ARMH4: variants seen among roughly 807,000 people sequenced by gnomAD.
The protein encoded by ARMH4 is armadillo-like helical domain-containing protein 4.
In ARMH4, 49 loss-of-function variants were observed where a neutral mutation model predicts 61.9. That is an observed-to-expected ratio of 0.79 (90% CI 0.63 to 1.00). ARMH4 has a LOEUF of 1.00. Among genes scored for constraint, ARMH4 ranks in the 50% least tolerant of loss-of-function variants. The pLI is 0.00. For missense variants in ARMH4, 934 were observed against 930.0 expected (o/e 1.00, Z -0.06); for synonymous variants, 368 against 341.5 (o/e 1.08, Z -0.85).
At chr14:58,102,511 A>T (rs1886018857) in intron 4 of ARMH4, among the ~76,000 whole-genome samples, 1 of 152,172 alleles carries the variant, frequency 6.6e-6, no homozygotes, top group Non-Finnish European at 1.5e-5. Flanking sequence ...AACGACAAAA[A>T]TCCTTATAAG....
chr14:58,083,736 A>C (rs751162226), intron 5 of ARMH4, among the ~76,000 whole-genome samples: 10 of 152,238 alleles, frequency 6.6e-5, no homozygotes, highest in Non-Finnish European at 1.2e-4. Context: ...ATAATTCTCT[A>C]AACAAGCAAA....
intron 4 of ARMH4, among the ~76,000 whole-genome samples, chr14:58,131,024 G>T (rs1887074407): frequency 6.6e-6 from 1 of 152,140 alleles, no homozygotes; most frequent in African/African-American, 2.4e-5. Context: ...GCTCTCCAAG[G>T]TATTTCTAAT....
chr14:58,046,484 A>C (rs1018281787), intron 5 of ARMH4, among the ~76,000 whole-genome samples: 9 of 152,180 alleles, frequency 5.9e-5, no homozygotes, highest in African/African-American at 1.7e-4. Flanking sequence ...CCATTATGTC[A>C]ATTTCGAAGA....
chr14:58,083,135 G>A (rs1486834650), intron 5 of ARMH4, among the ~76,000 whole-genome samples: 1 of 152,202 alleles, frequency 6.6e-6, no homozygotes, highest in East Asian at 1.9e-4. Context: ...TTAATCCACT[G>A]AGACTTTAGA....
Position 58,094,926 on chromosome 14 carries a change from C to T in ARMH4, c.2089+1798G>A, listed in dbSNP as rs1372584951. Among the ~76,000 whole-genome samples the T allele has an allele frequency of 2.6e-5, 4 of 152,196 alleles. No individual in the cohort carries two copies. The East Asian group carries it at 7.7e-4, about 29-fold the overall frequency. On this transcript the variant is annotated intron_variant, in intron 5 of 7. Coordinates refer to ENST00000267485, the MANE Select transcript of ARMH4 (RefSeq NM_001001872.4). ...TCAAATCATAAGCTTTCAGTGGGTG[C>T]AATTGTGTATAATACATACCTCAGT...
intron 1 of ARMH4, among the ~76,000 whole-genome samples, chr14:58,140,173 A>G (rs376056395): frequency 1.3e-5 from 2 of 150,992 alleles, no homozygotes. Context: ...TACTCAGGAG[A>G]CTGAGGCGAG....
chr14:58,106,452 A>C (rs1233277161), intron 4 of ARMH4, among the ~76,000 whole-genome samples: 1 of 152,240 alleles, frequency 6.6e-6, no homozygotes, highest in Admixed American at 6.5e-5. Flanking sequence ...GAATAAAACT[A>C]AGAAACATTA....
At chr14:58,137,840 G>T in intron 2 of ARMH4, 150 bp downstream of exon 2, 1 of 762,708 alleles carries the variant, frequency 1.3e-6, no homozygotes, top group South Asian at 1.9e-5. Flanking sequence ...TCACACCTCG[G>T]CCTCCGAAAA....
At chr14:58,122,129 A>G (rs1363150043) in intron 4 of ARMH4, among the ~76,000 whole-genome samples, 2 of 152,214 alleles carry the variant, frequency 1.3e-5, no homozygotes, top group African/African-American at 4.8e-5. Context: ...CAGAGTGAAC[A>G]TTCATAATCT....
chr14:58,139,548 C>G (rs774647834), intron 1 of ARMH4, 134 bp from the exon 2 acceptor site: 1 of 615,548 alleles, frequency 1.6e-6, no homozygotes, highest in East Asian at 2.8e-5. Context: ...GAGGACTGTT[C>G]TATTTCTTTG....
At chr14:58,059,885 G>T (rs745701726) in intron 5 of ARMH4, among the ~76,000 whole-genome samples, 4 of 152,140 alleles carry the variant, frequency 2.6e-5, no homozygotes, top group Admixed American at 6.5e-5. Flanking sequence ...TGAGCAGACC[G>T]ATAGACTCTC....
At chr14:58,039,496 A>G (rs7160901) in intron 5 of ARMH4, among the ~76,000 whole-genome samples, 9,501 of 152,262 alleles carry the variant, frequency 0.062, 378 homozygotes, top group African/African-American at 0.11. Context: ...GATTTCAGGA[A>G]AAGACTTTGC....
At chr14:58,041,473 C>T (rs1215362843) in intron 5 of ARMH4, among the ~76,000 whole-genome samples, 1 of 152,264 alleles carries the variant, frequency 6.6e-6, no homozygotes, top group Non-Finnish European at 1.5e-5. Flanking sequence ...ACAACCGGTA[C>T]CAGCCACTGC....
At chr14:58,011,806 T>C (rs969854741) in intron 6 of ARMH4, among the ~76,000 whole-genome samples, 16 of 149,946 alleles carry the variant, frequency 1.1e-4, no homozygotes, top group East Asian at 5.8e-4. Flanking sequence ...ATGACAATCC[T>C]GAAATTCCCA....
intron 4 of ARMH4, among the ~76,000 whole-genome samples, chr14:58,103,913 C>A (rs1444649556): frequency 6.6e-6 from 1 of 152,112 alleles, no homozygotes; most frequent in Non-Finnish European, 1.5e-5. Flanking sequence ...ACAACTTGGT[C>A]CTCAACATCT....
chr14:58,060,346 C>T (rs1185568070), intron 5 of ARMH4, among the ~76,000 whole-genome samples: 2 of 152,340 alleles, frequency 1.3e-5, no homozygotes, highest in South Asian at 4.1e-4. Context: ...TCGTACTCCC[C>T]TACACTAATT....
intron 5 of ARMH4, among the ~76,000 whole-genome samples, chr14:58,079,680 TA>T (rs1885157521): frequency 4.6e-5 from 7 of 152,200 alleles, no homozygotes. Context: ...AGGTATTCAA[TA>T]AAAACTTTCT....
At chr14:58,015,175 C>T (rs1230142107) in intron 5 of ARMH4, among the ~76,000 whole-genome samples, 1 of 152,192 alleles carries the variant, frequency 6.6e-6, no homozygotes, top group East Asian at 1.9e-4. Flanking sequence ...TCACAGAGTC[C>T]TACTTTGGAT....
rs746003290 is a variant in ARMH4 at position 58,096,764 on chromosome 14, C to T, written c.2049G>A (p.Val683=). 3.1e-6 allele frequency: 5 copies of T among 1,614,050 alleles called. No individual in the cohort carries two copies. The highest frequency in any genetic ancestry group is 2.5e-6 in the Non-Finnish European group (3 of 1,179,996). ...MDLLEGATYQ[V]PDALEWEQQN... is the part of the protein sequence containing the mutation. ...GCTGTTCCCACTCGAGGGCATCTGG[C>T]ACCTGGTAGGTAGCTCCCTCCAACA... Residue 683 remains valine (V), a synonymous_variant, in exon 5 of 8, where the codon GTG becomes GTA. Transcript: ENST00000267485.
Sources: gnomAD v4.1 joint callset for allele counts (sites outside exome capture counted in the v4.1 genomes callset) on GRCh38, gnomAD v4.1.1 for gene constraint, MANE v1.5 for transcripts, NCBI Gene and HGNC (gene_info 2026-07-23, HGNC 2026-07-21) for gene names.